The following MTUS2 variants were observed in gnomAD, a reference collection of about 807,000 sequenced individuals.
MTUS2 encodes the protein microtubule associated scaffold protein 2, also known as microtubule-associated tumor suppressor candidate 2.
In MTUS2, 40 loss-of-function variants were observed where a neutral mutation model predicts 114.1. That is an observed-to-expected ratio of 0.35 (90% CI 0.27 to 0.46). The LOEUF is 0.46. Among genes scored for constraint, MTUS2 ranks in the 20% least tolerant of loss-of-function variants. The probability of loss-of-function intolerance (pLI) is 1.00; values close to 1 mark genes in which losing one functional copy is unlikely to be tolerated. For synonymous variants in MTUS2, 688 were observed against 672.0 expected (o/e 1.02, Z -0.37); for missense variants, 1,679 against 1,705.4 (o/e 0.98, Z 0.27).
At chr13:29,083,689 G>A (rs1196004540) in intron 4 of MTUS2, among the ~76,000 whole-genome samples, 1 of 152,046 alleles carries the variant, frequency 6.6e-6, no homozygotes, top group Non-Finnish European at 1.5e-5. Context: ...CTTATATGAA[G>A]GAACAATGGA....
chr13:29,308,438 A>C (rs2139632653), intron 6 of MTUS2, among the ~76,000 whole-genome samples: 1 of 152,364 alleles, frequency 6.6e-6, no homozygotes, highest in South Asian at 2.1e-4. Flanking sequence ...GTAAAACTCA[A>C]AACTATAAAA....
intron 5 of MTUS2, among the ~76,000 whole-genome samples, chr13:29,175,932 C>G (rs1555247451): frequency 6.6e-6 from 1 of 152,080 alleles, no homozygotes; most frequent in African/African-American, 2.4e-5. Flanking sequence ...GTGAGCTCAA[C>G]AGCCATATGT....
chr13:29,152,027 G>C (rs1371755755), intron 5 of MTUS2, among the ~76,000 whole-genome samples: 3 of 152,108 alleles, frequency 2.0e-5, no homozygotes, highest in Non-Finnish European at 4.4e-5. Context: ...TTTGGCATCA[G>C]GATGATGCCG....
intron 9 of MTUS2, among the ~76,000 whole-genome samples, chr13:29,478,914 C>T (rs887283245): frequency 6.6e-6 from 1 of 152,156 alleles, no homozygotes; most frequent in Non-Finnish European, 1.5e-5. Flanking sequence ...TAATATCTAG[C>T]GAATCCATCA....
At chr13:29,226,048 C>T (rs909417039) in intron 5 of MTUS2, among the ~76,000 whole-genome samples, 5 of 152,036 alleles carry the variant, frequency 3.3e-5, no homozygotes, top group African/African-American at 1.2e-4. Flanking sequence ...TAGTGCTGGC[C>T]GTACTTTCTA....
At chr13:28,962,175 A>G (rs1883360129) in intron 2 of MTUS2, among the ~76,000 whole-genome samples, 1 of 152,038 alleles carries the variant, frequency 6.6e-6, no homozygotes, top group South Asian at 2.1e-4. Context: ...GAAAAATTGT[A>G]CTAGCTTACA....
chr13:29,111,985 G>C (rs752053821), intron 5 of MTUS2, among the ~76,000 whole-genome samples: 1 of 152,136 alleles, frequency 6.6e-6, no homozygotes, highest in Non-Finnish European at 1.5e-5. Flanking sequence ...GTTTGGTCAT[G>C]TTGAGAAGCA....
chr13:29,139,157 G>A (rs953244011), intron 5 of MTUS2, among the ~76,000 whole-genome samples: 2 of 150,968 alleles, frequency 1.3e-5, no homozygotes, highest in African/African-American at 4.9e-5. Flanking sequence ...ATTCACATAT[G>A]TGCTGACACA....
At chr13:29,204,810 C>T (rs1378752036) in intron 5 of MTUS2, among the ~76,000 whole-genome samples, 1 of 152,230 alleles carries the variant, frequency 6.6e-6, no homozygotes, top group Non-Finnish European at 1.5e-5. Flanking sequence ...CCATTGGCCT[C>T]AGAACACTAA....
intron 5 of MTUS2, among the ~76,000 whole-genome samples, chr13:29,203,112 G>C (rs1208918998): frequency 6.6e-6 from 1 of 152,232 alleles, no homozygotes; most frequent in East Asian, 1.9e-4. Context: ...TGCACCCACA[G>C]CTGCCCCTTT....
intron 2 of MTUS2, among the ~76,000 whole-genome samples, chr13:28,918,007 A>AT (rs1287657594): frequency 6.6e-6 from 1 of 151,718 alleles, no homozygotes; most frequent in Non-Finnish European, 1.5e-5. Flanking sequence ...ATTTGCATGT[A>AT]TTTTTTATAG....
intron 2 of MTUS2, among the ~76,000 whole-genome samples, chr13:28,912,754 C>G (rs1016274216): frequency 6.6e-6 from 1 of 151,808 alleles, no homozygotes; most frequent in Non-Finnish European, 1.5e-5. Flanking sequence ...AGCTGTATTC[C>G]TAGGTATTTT....
intron 2 of MTUS2, among the ~76,000 whole-genome samples, chr13:28,929,658 G>T (rs1269678873): frequency 6.6e-6 from 1 of 152,134 alleles, no homozygotes; most frequent in Non-Finnish European, 1.5e-5. Flanking sequence ...CAAAATCCAG[G>T]GTGAATGAGG....
chr13:29,340,150 G>A (rs1901318577), intron 7 of MTUS2, among the ~76,000 whole-genome samples: 1 of 152,176 alleles, frequency 6.6e-6, no homozygotes, highest in African/African-American at 2.4e-5. Context: ...GACATCACGG[G>A]GTGCAGCTGC....
chr13:29,488,162 G>T, intron 11 of MTUS2, 157 bp downstream of exon 11: 1 of 623,940 alleles, frequency 1.6e-6, no homozygotes, highest in Non-Finnish European at 2.8e-6. Context: ...GAAAAGAAGA[G>T]ATAGGAATTA....
chr13:28,975,075 G>T (rs1417955913), intron 2 of MTUS2, among the ~76,000 whole-genome samples: 1 of 152,168 alleles, frequency 6.6e-6, no homozygotes, highest in Non-Finnish European at 1.5e-5. Flanking sequence ...TCAAGCCCAG[G>T]AAATTGCAGT....
intron 2 of MTUS2, among the ~76,000 whole-genome samples, chr13:28,935,899 A>C (rs113642494): frequency 0.016 from 2,502 of 152,026 alleles, 61 homozygotes; most frequent in African/African-American, 0.055. Flanking sequence ...GGCTTGTAGC[A>C]CCATATCTGG....
intron 5 of MTUS2, among the ~76,000 whole-genome samples, chr13:29,209,907 A>G (rs1895353761): frequency 6.6e-6 from 1 of 152,174 alleles, no homozygotes; most frequent in African/African-American, 2.4e-5. Flanking sequence ...CTAGGTGCCT[A>G]GGCAATTATC....
At chr13:29,047,531 T>C (rs1188949693) in intron 4 of MTUS2, among the ~76,000 whole-genome samples, 1 of 136,634 alleles carries the variant, frequency 7.3e-6, no homozygotes, top group Non-Finnish European at 1.6e-5. Flanking sequence ...TTTTTTTTTC[T>C]GAGACAGAGT....
Sources: allele counts gnomAD v4.1 joint callset (sites outside exome capture counted in the v4.1 genomes callset), GRCh38; gene constraint gnomAD v4.1.1; transcripts MANE v1.5; gene names NCBI Gene and HGNC (gene_info 2026-07-23, HGNC 2026-07-21).